Variants in C10orf88 observed in about 807,000 individuals in gnomAD.
The protein encoded by C10orf88 is ATPase PAAT.
In C10orf88, 29 loss-of-function variants were observed where a neutral mutation model predicts 34.2. The ratio of observed to expected loss-of-function variants is 0.85; its 90% CI spans 0.63 to 1.16. The LOEUF is 1.16. C10orf88 is among the 50% of genes most tolerant of loss of function. The probability of loss-of-function intolerance (pLI) is 0.00; values close to 1 mark genes in which losing one functional copy is unlikely to be tolerated. For synonymous variants in C10orf88, 194 were observed against 197.4 expected (o/e 0.98, Z 0.15); for missense variants, 507 against 533.2 (o/e 0.95, Z 0.48).
chr10:122,953,581 C>T (rs1486520530), intron 1 of C10orf88, among the ~76,000 whole-genome samples: 1 of 152,222 alleles, frequency 6.6e-6, no homozygotes. Flanking sequence ...TCACTGGGCA[C>T]CTACTGGGTG....
At chr10:122,948,577 T>C in intron 4 of C10orf88, 72 bp downstream of exon 4, 1 of 1,430,080 alleles carries the variant, frequency 7.0e-7, no homozygotes, top group African/African-American at 1.4e-5. Flanking sequence ...TTTAAGTCAC[T>C]ACATTTCTTT....
In C10orf88 at chr10:122,937,724, C is replaced by T; in HGVS notation, c.1084G>A (p.Glu362Lys). 6.2e-7 allele frequency: 1 copy of T among 1,607,070 alleles called. No homozygotes were observed. The highest frequency in any genetic ancestry group is 8.5e-7 in the Non-Finnish European group (1 of 1,176,098). Residue 362 changes from glutamate to lysine, a missense_variant, in exon 5 of 6, where the codon GAA (glutamate) becomes AAA (lysine). Glu to Lys is a moderately conservative substitution (Grantham distance 56). Coordinates refer to ENST00000481909, the MANE Select transcript of C10orf88 (RefSeq NM_024942.4). ...ACTTACCCAACACCAAGAATGCGTT[C>T]ACCATGCTTGGTGATGTTTTCCTGA... Reference protein sequence around the residue: ...ECQENITKHGERILGVGMEEQ... With the variant: ...ECQENITKHGKRILGVGMEEQ...
chr10:122,935,681 G>T (rs1848528496), intron 5 of C10orf88, among the ~76,000 whole-genome samples: 1 of 151,670 alleles, frequency 6.6e-6, no homozygotes, highest in African/African-American at 2.4e-5. Flanking sequence ...ATTTTTCATA[G>T]GAATTACATT....
chr10:122,932,795 T>C, intron 5 of C10orf88, 134 bp from the exon 6 acceptor site: 2 of 644,470 alleles, frequency 3.1e-6, no homozygotes, highest in South Asian at 2.0e-5. Flanking sequence ...AATGCATTTC[T>C]AGGTCCTAAT....
intron 4 of C10orf88, among the ~76,000 whole-genome samples, chr10:122,944,274 A>G (rs1336051450): frequency 6.6e-6 from 1 of 151,078 alleles, no homozygotes; most frequent in African/African-American, 2.4e-5. Flanking sequence ...CTCTCACAAG[A>G]ACAAAAAACC....
rs558725236 is a variant in C10orf88, at chr10:122,932,078, T to A, written c.*349A>T. On this transcript the variant is annotated 3_prime_UTR_variant, in exon 6 of 6. Coordinates refer to ENST00000481909, the MANE Select transcript of C10orf88 (RefSeq NM_024942.4). ...ATTATTTTTCATACTTCTAAGACTA[T>A]AAGATCTTTGTATAAATAAAAATTA... is the stretch of plus-strand genomic sequence containing the variant. The A allele has an allele frequency of 6.0e-6, 1 of 167,198 alleles. No homozygotes were observed. Among genetic ancestry groups the A allele is most frequent in the Non-Finnish European group, 1.3e-5 (1 of 78,010 alleles). 10.4% of individuals were successfully genotyped at this position (167,198 alleles called of 1,614,324 possible).
chr10:122,937,365 T>G (rs555796519), intron 5 of C10orf88, among the ~76,000 whole-genome samples: 1 of 151,874 alleles, frequency 6.6e-6, no homozygotes, highest in Non-Finnish European at 1.5e-5. Context: ...AGGCACAAAA[T>G]AGTACAAATA....
At chr10:122,948,890 A>C in intron 3 of C10orf88, 35 bp from the exon 4 acceptor site, 5 of 1,543,158 alleles carry the variant, frequency 3.2e-6, no homozygotes, top group Non-Finnish European at 4.4e-6. Flanking sequence ...AAAGAATGAT[A>C]TTAAAAACAA....
intron 4 of C10orf88, among the ~76,000 whole-genome samples, chr10:122,939,271 CAAAAG>C (rs1848562949): frequency 7.8e-6 from 1 of 128,458 alleles, no homozygotes; most frequent in Non-Finnish European, 1.7e-5. Flanking sequence ...ACACAAACTA[CAAAAG>C]AAAAGAAGGA....
chr10:122,948,499 G>A (rs534700924), intron 4 of C10orf88, 150 bp downstream of exon 4: 1 of 711,178 alleles, frequency 1.4e-6, no homozygotes, highest in Non-Finnish European at 2.3e-6. Context: ...TTGTAGAAGG[G>A]CAAATCTAAC....
In C10orf88 at chr10:122,948,809, A is replaced by C; in HGVS notation, c.488T>G (p.Val163Gly). The C allele has an allele frequency of 6.2e-7, 1 of 1,613,700 alleles. No individual in the cohort carries two copies. Among genetic ancestry groups the C allele is most frequent in the Middle Eastern group, 1.6e-4 (1 of 6,062 alleles). Reference sequence around the variant, plus strand: ...TGCAAAAACTGATCTCATGTGTACCACAACTTTACTGATGAACACACACTG... The same window carrying C: ...TGCAAAAACTGATCTCATGTGTACCCCAACTTTACTGATGAACACACACTG... Reference protein sequence around the residue: ...ERQCVFISKVVVHMRSVFANS... With the variant: ...ERQCVFISKVGVHMRSVFANS... Residue 163 changes from valine to glycine, a missense_variant, in exon 4 of 6, where the codon GTG becomes GGG. By Grantham distance (109) the Val-to-Gly change is moderately radical. Transcript: ENST00000481909.
At chr10:122,934,678 G>A (rs1848517849) in intron 5 of C10orf88, among the ~76,000 whole-genome samples, 1 of 152,116 alleles carries the variant, frequency 6.6e-6, no homozygotes, top group African/African-American at 2.4e-5. Flanking sequence ...GGATGTCCAG[G>A]AGTATAATTG....
chr10:122,933,085 T>C (rs1438898616), intron 5 of C10orf88, among the ~76,000 whole-genome samples: 1 of 152,198 alleles, frequency 6.6e-6, no homozygotes. Flanking sequence ...GTTCTTTTTT[T>C]TAACCTGGTA....
chr10:122,932,456 CAG>C lies in C10orf88; in HGVS notation c.1307_1308del (p.Ser436TrpfsTer44). On this transcript the variant is annotated frameshift_variant, in exon 6 of 6. Transcript: ENST00000481909. LOFTEE classifies it high-confidence loss of function. The part of the protein sequence containing the change: ...PTGIPLRHYD[S>X]GERLSNGER ...CTTTCTCCATTTGAAAGTCTTTCTC[CAG>C]AGTCATAATGTCTTAGAGGTATCCC... is the stretch of plus-strand genomic sequence containing the variant. The C allele has an allele frequency of 6.2e-7, 1 of 1,613,296 alleles. No individual in the cohort carries two copies. The highest frequency in any genetic ancestry group is 8.5e-7 in the Non-Finnish European group (1 of 1,179,492).
chr10:122,946,418 T>C (rs1848640130), intron 4 of C10orf88, among the ~76,000 whole-genome samples: 1 of 152,166 alleles, frequency 6.6e-6, no homozygotes. Flanking sequence ...TAAAGTAACA[T>C]GCTATACAGG....
intron 4 of C10orf88, among the ~76,000 whole-genome samples, chr10:122,941,234 T>C (rs1050073622): frequency 9.2e-5 from 14 of 152,124 alleles, no homozygotes; most frequent in African/African-American, 3.4e-4. Context: ...CACCCTTTGA[T>C]ATAGAATTCC....
rs1848487556 is a variant in C10orf88 at position 122,931,955 on chromosome 10, C to A, written c.*472G>T. The A allele has an allele frequency of 1.3e-5, 2 of 152,700 alleles. No individual in the cohort carries two copies. Among genetic ancestry groups the A allele is most frequent in the Non-Finnish European group, 2.9e-5 (2 of 68,202 alleles). 9.5% of individuals were successfully genotyped at this position (152,700 alleles called of 1,614,324 possible). On this transcript the variant is annotated 3_prime_UTR_variant, in exon 6 of 6. Coordinates refer to ENST00000481909, the MANE Select transcript of C10orf88 (RefSeq NM_024942.4). ...TATTCATTATCTCACACAAGCAATA[C>A]AAAATGTAAACTGGTAATCTGAAGT...
chr10:122,954,006 C>G lies in C10orf88; in HGVS notation c.164+9G>C, dbSNP rs915987243. On this transcript the variant is annotated intron_variant, in intron 1 of 5. Transcript: ENST00000481909. ...GCATAGCGACCCCGTCCCCGTCGGCCCGGCGCACCCTGGAGCAGGCGGTGC... is the reference window on the plus strand; with the variant it reads ...GCATAGCGACCCCGTCCCCGTCGGCGCGGCGCACCCTGGAGCAGGCGGTGC... 1.7e-5 allele frequency: 26 copies of G among 1,514,356 alleles called. No homozygotes were observed. Among genetic ancestry groups the G allele is most frequent in the Non-Finnish European group, 2.3e-5 (26 of 1,135,702 alleles). The allele number at this position is 1,514,356 out of a possible 1,614,324, so 93.8% of individuals were successfully genotyped here.
In C10orf88 at chr10:122,953,089, C is replaced by CT. The variant is rs1168706519; in HGVS notation, c.165-58dup. 5.0e-6 allele frequency: 7 copies of CT among 1,395,544 alleles called. No individual in the cohort carries two copies. In the East Asian group the frequency reaches 1.4e-4, roughly 29 times the overall value. The allele number at this position is 1,395,544 out of a possible 1,614,324, so 86.4% of individuals were successfully genotyped here. On this transcript the variant is annotated intron_variant, in intron 1 of 5. Coordinates refer to ENST00000481909, the MANE Select transcript of C10orf88 (RefSeq NM_024942.4). ...GTATAGTTCTCTGAACATGACTCTTCTTTTTTGAGACGGAGTCTGGCTCTG... is the reference window on the plus strand; with the variant it reads ...GTATAGTTCTCTGAACATGACTCTTCTTTTTTTGAGACGGAGTCTGGCTCTG...
Sources: gnomAD v4.1 joint callset for allele counts (sites outside exome capture counted in the v4.1 genomes callset) on GRCh38, gnomAD v4.1.1 for gene constraint, MANE v1.5 for transcripts, NCBI Gene and HGNC (gene_info 2026-07-23, HGNC 2026-07-21) for gene names.